Variants in PUM2 observed in about 807,000 individuals in gnomAD.
PUM2 encodes pumilio homolog 2.
A neutral mutation model predicts 124.5 loss-of-function variants in PUM2; 57 were observed. The observed-to-expected ratio is 0.46, with a 90% CI of 0.37 to 0.57. The LOEUF is 0.57. PUM2 is among the 20% of genes least tolerant of loss of function. PUM2 has a pLI of 0.00. For missense variants in PUM2, 1,065 were observed against 1,290.6 expected, an observed-to-expected ratio of 0.83 and a Z score of 2.68; for synonymous variants, 460 against 446.1, an observed-to-expected ratio of 1.03 and a Z score of -0.39.
At chr2:20,306,962 C>T (rs962230819) in intron 7 of PUM2, among the ~76,000 whole-genome samples, 1 of 151,714 alleles carries the variant, frequency 6.6e-6, no homozygotes, top group Admixed American at 6.6e-5. Flanking sequence ...ACCTGCAATC[C>T]CAGCACTTTG....
intron 10 of PUM2, among the ~76,000 whole-genome samples, chr2:20,283,815 A>G (rs1036796614): frequency 3.9e-5 from 6 of 152,210 alleles, no homozygotes; most frequent in African/African-American, 1.2e-4. Context: ...TTCGAAGAAG[A>G]AGGATTAAAA....
At chr2:20,252,670 T>C (rs1292010949) in intron 20 of PUM2, among the ~76,000 whole-genome samples, 22 of 152,204 alleles carry the variant, frequency 1.4e-4, no homozygotes, top group Admixed American at 3.3e-4. Context: ...TAAAGAATTA[T>C]TAGATTCTAG....
chr2:20,336,471 A>G (rs888975820), intron 1 of PUM2, among the ~76,000 whole-genome samples: 8 of 151,836 alleles, frequency 5.3e-5, no homozygotes, highest in Admixed American at 1.3e-4. Context: ...TACAGGAATG[A>G]GCCAATGTGC....
At chr2:20,323,206 T>C (rs1207071583) in intron 2 of PUM2, among the ~76,000 whole-genome samples, 1 of 152,178 alleles carries the variant, frequency 6.6e-6, no homozygotes, top group African/African-American at 2.4e-5. Context: ...CCTAGCACTT[T>C]GGGAGGCCGA....
chr2:20,308,506 T>C lies in PUM2; in HGVS notation c.597A>G (p.Gly199=). 2 of 1,614,144 alleles carry C rather than the reference T, an allele frequency of 1.2e-6. No homozygotes were observed. The highest frequency in any genetic ancestry group is 1.7e-6 in the Non-Finnish European group (2 of 1,179,972). The change falls in exon 6 of 21, where the codon GGA becomes GGG. Residue 199 remains glycine, a synonymous_variant. Coordinates refer to ENST00000361078, the MANE Select transcript of PUM2 (RefSeq NM_015317.5). ...RLGPNTNPSE[G]LGPLPNPTAN... The stretch of plus-strand genomic sequence containing the variant: ...CTGTAGGATTAGGAAGAGGCCCCAG[T>C]CCTTCTGAGGGATTAGTATTGGGGC...
intron 14 of PUM2, among the ~76,000 whole-genome samples, chr2:20,262,713 G>A (rs1288545082): frequency 6.6e-6 from 1 of 152,166 alleles, no homozygotes; most frequent in Non-Finnish European, 1.5e-5. Flanking sequence ...TCTTTACAAT[G>A]TTAATTCAGA....
At chr2:20,269,358 G>T (rs952398716) in intron 13 of PUM2, among the ~76,000 whole-genome samples, 10 of 151,790 alleles carry the variant, frequency 6.6e-5, no homozygotes, top group African/African-American at 2.4e-4. Context: ...CCGCCACCAC[G>T]CCCGGCTAAT....
chr2:20,277,501 T>C (rs1366596315), intron 13 of PUM2, among the ~76,000 whole-genome samples: 1 of 152,002 alleles, frequency 6.6e-6, no homozygotes, highest in Non-Finnish European at 1.5e-5. Context: ...AAGACCAGAG[T>C]CTTTAAAAAA....
At chr2:20,255,408 C>A in intron 17 of PUM2, 67 bp from the exon 18 acceptor site, 3 of 1,444,462 alleles carry the variant, frequency 2.1e-6, no homozygotes, top group Non-Finnish European at 1.9e-6. Flanking sequence ...ATGAAGCAGA[C>A]TGGTTTGTTT....
chr2:20,329,023 T>C lies in PUM2; in HGVS notation c.-18-1645A>G, dbSNP rs575471730. Among the ~76,000 whole-genome samples, 4 of 152,046 alleles carry C rather than the reference T, an allele frequency of 2.6e-5. No homozygotes were observed. In the East Asian group the frequency reaches 5.8e-4, roughly 22 times the overall value. On this transcript the variant is annotated intron_variant, in intron 1 of 20. Transcript: ENST00000361078. ...CGATTTTTACAAGAAATTTAAAAAT[T>C]AGCTTGGCACATTGGTGCATGCCTG...
At chr2:20,251,904 T>C (rs190284130) in intron 20 of PUM2, among the ~76,000 whole-genome samples, 188 bp from the exon 21 acceptor site, 7 of 152,274 alleles carry the variant, frequency 4.6e-5, no homozygotes, top group African/African-American at 1.4e-4. Flanking sequence ...GTTCTCGAAA[T>C]TGTTCAATGA....
At chr2:20,350,860 G>T (rs1263272295), upstream of PUM2, 2 of 932,754 alleles carry the variant, frequency 2.1e-6, no homozygotes, top group Non-Finnish European at 2.6e-6. Flanking sequence ...CCGCCCACCG[G>T]GCGCGCGCAG....
At chr2:20,337,087 C>CATGTATTTAAATA (rs1686275092) in intron 1 of PUM2, among the ~76,000 whole-genome samples, 1 of 151,990 alleles carries the variant, frequency 6.6e-6, no homozygotes, top group Admixed American at 6.6e-5. Context: ...AATAAAACTA[C>CATGTATTTAAATA]TGATCTAAAT....
At chr2:20,292,667 A>T (rs771342536) in intron 9 of PUM2, among the ~76,000 whole-genome samples, 1 of 152,170 alleles carries the variant, frequency 6.6e-6, no homozygotes, top group African/African-American at 2.4e-5. Flanking sequence ...GCAGTGGCTC[A>T]CACCTGTAAT....
At chr2:20,348,517 G>C (rs1558701023) in intron 1 of PUM2, among the ~76,000 whole-genome samples, 1 of 152,318 alleles carries the variant, frequency 6.6e-6, no homozygotes, top group Non-Finnish European at 1.5e-5. Context: ...GAGACAGCTT[G>C]GTCACTGAGA....
intron 20 of PUM2, 78 bp downstream of exon 20, chr2:20,253,744 A>G: frequency 7.7e-7 from 1 of 1,301,850 alleles, no homozygotes; most frequent in Non-Finnish European, 1.0e-6. Flanking sequence ...TACGGGAGGA[A>G]ATGAAAGCCC....
At chr2:20,337,882 CCA>C (rs1225186435) in intron 1 of PUM2, among the ~76,000 whole-genome samples, 5 of 152,128 alleles carry the variant, frequency 3.3e-5, no homozygotes, top group Admixed American at 2.6e-4. Flanking sequence ...CCATTTTATG[CCA>C]CAGATTATAC....
intron 2 of PUM2, 57 bp from the exon 3 acceptor site, chr2:20,318,702 T>TAAG: frequency 7.9e-7 from 1 of 1,272,402 alleles, no homozygotes; most frequent in South Asian, 1.2e-5. Context: ...AATTAATATA[T>TAAG]AAGAAGTCTC....
At chr2:20,276,731 TG>T (rs1203908830) in intron 13 of PUM2, among the ~76,000 whole-genome samples, 1 of 152,090 alleles carries the variant, frequency 6.6e-6, no homozygotes, top group Admixed American at 6.6e-5. Flanking sequence ...CAGTCTGGCA[TG>T]GGTCTATTTG....
Sources: gnomAD v4.1 joint callset for allele counts (sites outside exome capture counted in the v4.1 genomes callset) on GRCh38, gnomAD v4.1.1 for gene constraint, MANE v1.5 for transcripts, NCBI Gene and HGNC (gene_info 2026-07-23, HGNC 2026-07-21) for gene names.